The following KCNQ1 variants were observed in gnomAD, a reference collection of about 807,000 sequenced individuals.
KCNQ1 encodes the protein potassium voltage-gated channel subfamily Q member 1.
In KCNQ1, 49 loss-of-function variants were observed where a neutral mutation model predicts 72.4. The ratio of observed to expected loss-of-function variants is 0.68; its 90% CI spans 0.54 to 0.86. The LOEUF (loss-of-function observed/expected upper bound fraction) is 0.86. Among genes scored for constraint, KCNQ1 ranks in the 40% least tolerant of loss-of-function variants. The probability of loss-of-function intolerance (pLI) is 0.00; values close to 1 mark genes in which losing one functional copy is unlikely to be tolerated. For synonymous variants in KCNQ1, 450 were observed against 412.6 expected, an observed-to-expected ratio of 1.09 and a Z score of -1.10; for missense variants, 790 against 945.1, an observed-to-expected ratio of 0.84 and a Z score of 2.15.
rs956019717 is a variant in KCNQ1, at chr11:2,463,006, G to A, written c.386+17522G>A. Among the ~76,000 whole-genome samples, 45 of 152,268 alleles carry A rather than the reference G, an allele frequency of 3.0e-4. No individual in the cohort carries two copies. Among genetic ancestry groups the A allele is most frequent in the Non-Finnish European group, 1.0e-4 (7 of 68,014 alleles). ...GGTGAGGCCCCTGAACTGGTAAGCG[G>A]GGCAGCGGCGGCAGGGGGCCCAGGG... On this transcript the variant is annotated intron_variant, in intron 1 of 15. Coordinates refer to ENST00000155840, the MANE Select transcript of KCNQ1 (RefSeq NM_000218.3). This position sits in a 1 kb window ranked among gnomAD's most constrained non-coding sequence, Gnocchi z 7.0.
rs987241654 is a variant in KCNQ1, at chr11:2,828,569, G to A, written c.1795-19198G>A. Among the ~76,000 whole-genome samples, 4 of 152,122 alleles carry A rather than the reference G, an allele frequency of 2.6e-5. No individual in the cohort carries two copies. The highest frequency in any genetic ancestry group is 4.4e-5 in the Non-Finnish European group (3 of 67,992). ...AAGAATGAGGCAGTTCCCAACCCAG[G>A]ACCCTGACAGGCAGGTCTCACCCCA... On this transcript the variant is annotated intron_variant, in intron 15 of 15. Coordinates refer to ENST00000155840, the MANE Select transcript of KCNQ1 (RefSeq NM_000218.3). This position sits in a 1 kb window ranked among gnomAD's most constrained non-coding sequence, Gnocchi z 5.3.
At position 2,559,037 on chromosome 11, in the gene KCNQ1, G is replaced by A. The variant is rs1404426617; in HGVS notation, c.478-11591G>A. 6.6e-6 allele frequency among the ~76,000 whole-genome samples: 1 copy of A among 152,010 alleles called. No homozygotes were observed. Among genetic ancestry groups the A allele is most frequent in the Non-Finnish European group, 1.5e-5 (1 of 67,982 alleles). ...GAGTGACAAATGTCAAGAGTTTGCAGTTACTCCCAGAGCTACGGACAAGGG... is the reference window on the plus strand; with the variant it reads ...GAGTGACAAATGTCAAGAGTTTGCAATTACTCCCAGAGCTACGGACAAGGG... On this transcript the variant is annotated intron_variant, in intron 2 of 15. Transcript: ENST00000155840. This position sits in a 1 kb window ranked among gnomAD's most constrained non-coding sequence, Gnocchi z 4.9.
In KCNQ1 at chr11:2,585,307, G is replaced by A; in HGVS notation, c.1128G>A (p.Gln376=). The change falls in exon 8 of 16, where the codon CAG becomes CAA. Residue 376 remains glutamine, a splice_region_variant and synonymous_variant. Coordinates refer to ENST00000155840, the MANE Select transcript of KCNQ1 (RefSeq NM_000218.3). ...TCCCGGCGGCAGCCTCACTCATTCA[G>A]GTGCGGTGCCTGCAAGGCCCTGGTC... The part of the protein sequence containing the change: ...RQIPAAASLI[Q]TAWRCYAAEN... 1 of 1,613,446 alleles carries A rather than the reference G, an allele frequency of 6.2e-7. No homozygotes were observed. Among genetic ancestry groups the A allele is most frequent in the Non-Finnish European group, 8.5e-7 (1 of 1,179,584 alleles).
intron 11 of KCNQ1, among the ~76,000 whole-genome samples, chr11:2,714,038 C>A (rs1476881573): frequency 6.6e-6 from 1 of 151,872 alleles, no homozygotes; most frequent in Admixed American, 6.5e-5. Flanking sequence ...AGCCCTCCCC[C>A]ACACAGGCAG....
rs1664872005 is a variant in KCNQ1, at chr11:2,827,413, C to T, written c.1795-20354C>T. ...GCGGCTGCTCCTGCATTCACCATCACATCTGCATTCCAGCAGCAGGAGGGA... is the reference window on the plus strand; with the variant it reads ...GCGGCTGCTCCTGCATTCACCATCATATCTGCATTCCAGCAGCAGGAGGGA... On this transcript the variant is annotated intron_variant, in intron 15 of 15. Coordinates refer to ENST00000155840, the MANE Select transcript of KCNQ1 (RefSeq NM_000218.3). The surrounding 1 kb of genome is among the most constrained non-coding windows in gnomAD (Gnocchi z 6.7). 6.6e-6 allele frequency among the ~76,000 whole-genome samples: 1 copy of T among 152,154 alleles called. No individual in the cohort carries two copies. The highest frequency in any genetic ancestry group is 2.4e-5 in the African/African-American group (1 of 41,432).
chr11:2,466,572 C>T (rs1358828724), intron 1 of KCNQ1, among the ~76,000 whole-genome samples: 2 of 152,254 alleles, frequency 1.3e-5, no homozygotes, highest in African/African-American at 4.8e-5. Context: ...TGCCCAGGCT[C>T]GGGGGCTTCT....
Position 2,808,550 on chromosome 11 carries a change from A to G in KCNQ1, c.1794+30513A>G, listed in dbSNP as rs544830533. Among the ~76,000 whole-genome samples the G allele has an allele frequency of 3.5e-4, 54 of 152,308 alleles. No homozygotes were observed. In the South Asian group the frequency reaches 9.3e-3, roughly 26 times the overall value. On this transcript the variant is annotated intron_variant, in intron 15 of 15. Transcript: ENST00000155840. This position sits in a 1 kb window ranked among gnomAD's most constrained non-coding sequence, Gnocchi z 6.0. ...GACCATAATATCTCCACAGAGAACT[A>G]TCATTAATTTTTTAAATGGGAGTCC...
At chr11:2,779,265 C>G (rs1846773575) in intron 15 of KCNQ1, among the ~76,000 whole-genome samples, 1 of 152,240 alleles carries the variant, frequency 6.6e-6, no homozygotes, top group South Asian at 2.1e-4. Context: ...GCCTTGGCCT[C>G]TCTGCTGCCC....
chr11:2,764,788 T>C lies in KCNQ1; in HGVS notation c.1515-4056T>C, dbSNP rs181872668. Among the ~76,000 whole-genome samples the C allele has an allele frequency of 1.4e-3, 208 of 152,354 alleles. No individual in the cohort carries two copies. Among genetic ancestry groups the C allele is most frequent in the African/African-American group, 4.8e-3 (201 of 41,574 alleles). On this transcript the variant is annotated intron_variant, in intron 11 of 15. Transcript: ENST00000155840. This position sits in a 1 kb window ranked among gnomAD's most constrained non-coding sequence, Gnocchi z 4.8. ...TTTATCTAAATCATCAAAAGTATTT[T>C]TGTTTGTAATGTCCTCTGAATAAAT... is the stretch of plus-strand genomic sequence containing the variant.
chr11:2,658,753 C>T lies in KCNQ1; in HGVS notation c.1394-3208C>T, dbSNP rs1270110869. 7.5e-6 allele frequency: 3 copies of T among 398,420 alleles called. No individual in the cohort carries two copies. Among genetic ancestry groups the T allele is most frequent in the Non-Finnish European group, 1.3e-5 (3 of 226,062 alleles). 24.7% of individuals were successfully genotyped at this position (398,420 alleles called of 1,614,324 possible). On this transcript the variant is annotated intron_variant, in intron 10 of 15. Transcript: ENST00000155840. This position sits in a 1 kb window ranked among gnomAD's most constrained non-coding sequence, Gnocchi z 4.9. ...CATATCTGTATCTATATAAAGCTAA[C>T]CATGAGTTCATACTGACATTTCTGA...
chr11:2,519,270 C>A (rs1239383721), intron 1 of KCNQ1, among the ~76,000 whole-genome samples: 1 of 152,232 alleles, frequency 6.6e-6, no homozygotes, highest in Non-Finnish European at 1.5e-5. Context: ...TTCTCTCCAA[C>A]ATGACAGGGT....
Position 2,682,876 on chromosome 11 carries a change from G to T in KCNQ1, c.1514+20795G>T. 2.5e-6 allele frequency: 1 copy of T among 398,618 alleles called. No homozygotes were observed. The highest frequency in any genetic ancestry group is 1.3e-4 in the South Asian group (1 of 7,850). 24.7% of individuals were successfully genotyped at this position (398,618 alleles called of 1,614,324 possible). On this transcript the variant is annotated intron_variant, in intron 11 of 15. Transcript: ENST00000155840. The surrounding 1 kb of genome is among the most constrained non-coding windows in gnomAD (Gnocchi z 5.8). ...TTGTAGACCAGGAAACTGAGGCTTG[G>T]GGATAGCAGATGTTCCCAGACAGAA... is the stretch of plus-strand genomic sequence containing the variant.
At chr11:2,467,499 C>T (rs1846369140) in intron 1 of KCNQ1, among the ~76,000 whole-genome samples, 1 of 152,180 alleles carries the variant, frequency 6.6e-6, no homozygotes, top group Non-Finnish European at 1.5e-5. Context: ...GAGACAGATA[C>T]AGCCTCAGGA....
rs533687957 is a variant in KCNQ1 at position 2,661,035 on chromosome 11, G to A, written c.1394-926G>A. 5 of 398,456 alleles carry A rather than the reference G, an allele frequency of 1.3e-5. No homozygotes were observed. Among genetic ancestry groups the A allele is most frequent in the South Asian group, 1.3e-4 (1 of 7,838 alleles). 24.7% of individuals were successfully genotyped at this position (398,456 alleles called of 1,614,324 possible). On this transcript the variant is annotated intron_variant, in intron 10 of 15. Coordinates refer to ENST00000155840, the MANE Select transcript of KCNQ1 (RefSeq NM_000218.3). The surrounding 1 kb of genome is among the most constrained non-coding windows in gnomAD (Gnocchi z 5.9). ...CTATATACCTAGAGAAAAATGAAATGAGCTTATGTTACAGAGTGACAGGAA... is the reference window on the plus strand; with the variant it reads ...CTATATACCTAGAGAAAAATGAAATAAGCTTATGTTACAGAGTGACAGGAA...
At chr11:2,539,431 G>A (rs1428719630) in intron 2 of KCNQ1, among the ~76,000 whole-genome samples, 3 of 152,218 alleles carry the variant, frequency 2.0e-5, no homozygotes, top group African/African-American at 4.8e-5. Flanking sequence ...CTAGGCAGGC[G>A]CTGGCATCTT....
intron 15 of KCNQ1, among the ~76,000 whole-genome samples, chr11:2,833,363 C>G (rs1000366030): frequency 1.3e-5 from 2 of 152,210 alleles, no homozygotes; most frequent in Non-Finnish European, 2.9e-5. Flanking sequence ...ACATGCCCCA[C>G]CCCTCTCCAA....
rs530813003 is a variant in KCNQ1, at chr11:2,485,192, G to T, written c.386+39708G>T. Among the ~76,000 whole-genome samples the T allele has an allele frequency of 1.5e-3, 225 of 152,268 alleles. 1 individual carries two copies. The highest frequency in any genetic ancestry group is 5.2e-3 in the African/African-American group (217 of 41,552). ...CATGTTTAGATTTATCTGTTAGGTT[G>T]GTATTCCATTTTGGGTGTCCCCCGA... On this transcript the variant is annotated intron_variant, in intron 1 of 15. Transcript: ENST00000155840.
chr11:2,637,413 T>C (rs1008711746), intron 10 of KCNQ1: 2 of 152,246 alleles, frequency 1.3e-5, no homozygotes, highest in Non-Finnish European at 2.9e-5. Flanking sequence ...AAGAACATCT[T>C]TATTTCTCTG....
In KCNQ1 at chr11:2,611,784, T is replaced by C; in HGVS notation, c.1393+22930T>C. The C allele has an allele frequency of 2.5e-6, 1 of 398,512 alleles. No individual in the cohort carries two copies. Among genetic ancestry groups the C allele is most frequent in the Non-Finnish European group, 4.4e-6 (1 of 226,018 alleles). The allele number at this position is 398,512 out of a possible 1,614,324, so 24.7% of individuals were successfully genotyped here. On this transcript the variant is annotated intron_variant, in intron 10 of 15. Coordinates refer to ENST00000155840, the MANE Select transcript of KCNQ1 (RefSeq NM_000218.3). The surrounding 1 kb of genome is among the most constrained non-coding windows in gnomAD (Gnocchi z 5.3). ...TCTATATGTCTCATATCACTTTTGT[T>C]CCTCTCTTCCTCCTTTACTGCCTTC...
Sources: allele counts gnomAD v4.1 joint callset (sites outside exome capture counted in the v4.1 genomes callset), GRCh38; gene constraint gnomAD v4.1.1; non-coding constraint Gnocchi (gnomAD v3.1); transcripts MANE v1.5; gene names NCBI Gene and HGNC (gene_info 2026-07-23, HGNC 2026-07-21).